MYO1D: variants seen among roughly 807,000 people sequenced by gnomAD.
MYO1D encodes unconventional myosin-Id.
MYO1D carries 83 observed loss-of-function variants against 122.0 expected under a neutral mutation model. The ratio of observed to expected loss-of-function variants is 0.68; its 90% confidence interval spans 0.57 to 0.82. The LOEUF (loss-of-function observed/expected upper bound fraction) is 0.82. MYO1D is among the 40% of genes least tolerant of loss of function. The pLI, the probability that MYO1D is intolerant of heterozygous loss-of-function variation, is 0.00. For missense variants in MYO1D, 1,157 were observed against 1,269.5 expected, an observed-to-expected ratio of 0.91 and a Z score of 1.35; for synonymous variants, 464 against 446.9, an observed-to-expected ratio of 1.04 and a Z score of -0.48.
chr17:32,653,404 C>T (rs988576105), intron 19 of MYO1D, among the ~76,000 whole-genome samples: 7 of 151,216 alleles, frequency 4.6e-5, no homozygotes, highest in Middle Eastern at 3.4e-3. Flanking sequence ...ATCAGGAGTT[C>T]GAGACCAGCC....
chr17:32,508,758 G>C (rs1909585671), intron 21 of MYO1D, among the ~76,000 whole-genome samples: 1 of 152,222 alleles, frequency 6.6e-6, no homozygotes, highest in Admixed American at 6.5e-5. Flanking sequence ...TGCCCGAAGT[G>C]ATAGAGTAGA....
At chr17:32,824,041 T>C (rs1481777323) in intron 1 of MYO1D, among the ~76,000 whole-genome samples, 4 of 122,794 alleles carry the variant, frequency 3.3e-5, no homozygotes, top group Non-Finnish European at 6.3e-5. Flanking sequence ...CATTCCAGCC[T>C]GGGCGATAGA....
intron 1 of MYO1D, among the ~76,000 whole-genome samples, chr17:32,799,229 A>C (rs1301124228): frequency 6.6e-6 from 1 of 152,246 alleles, no homozygotes; most frequent in Non-Finnish European, 1.5e-5. Context: ...TGGAAAAAAC[A>C]AATAATTTTC....
intron 21 of MYO1D, among the ~76,000 whole-genome samples, chr17:32,554,743 T>A (rs1050500592): frequency 4.6e-5 from 7 of 151,884 alleles, no homozygotes; most frequent in Admixed American, 1.3e-4. Context: ...AGAAAAAAAA[T>A]CAGCAAAGGA....
chr17:32,656,675 A>G (rs115473479), intron 17 of MYO1D, among the ~76,000 whole-genome samples: 2,260 of 152,334 alleles, frequency 0.015, 46 homozygotes, highest in African/African-American at 0.049. Context: ...TGGACAACCA[A>G]CACTCCAACA....
intron 15 of MYO1D, among the ~76,000 whole-genome samples, chr17:32,715,178 T>C (rs1293648003): frequency 6.6e-6 from 1 of 152,114 alleles, no homozygotes. Context: ...GCTGGCAAGG[T>C]TGCAGAGAAA....
At chr17:32,827,106 T>G (rs1043322191) in intron 1 of MYO1D, among the ~76,000 whole-genome samples, 3 of 151,310 alleles carry the variant, frequency 2.0e-5, no homozygotes, top group African/African-American at 7.4e-5. Flanking sequence ...ATGGCAGCAT[T>G]ATTCATAATA....
intron 1 of MYO1D, among the ~76,000 whole-genome samples, chr17:32,827,428 T>C (rs1216282048): frequency 6.6e-6 from 1 of 152,128 alleles, no homozygotes; most frequent in African/African-American, 2.4e-5. Context: ...TATGGTCCAA[T>C]GGGTAGAGTT....
At chr17:32,793,947 CGTATTT>C (rs2090386478) in intron 1 of MYO1D, among the ~76,000 whole-genome samples, 1 of 152,142 alleles carries the variant, frequency 6.6e-6, no homozygotes, top group Non-Finnish European at 1.5e-5. Context: ...AATACCAAGT[CGTATTT>C]TTATTATGAG....
chr17:32,533,539 C>T (rs535820302), intron 21 of MYO1D, among the ~76,000 whole-genome samples: 3 of 152,308 alleles, frequency 2.0e-5, no homozygotes, highest in East Asian at 1.9e-4. Context: ...CTAAAGCACA[C>T]GTCTCTAAGC....
chr17:32,632,122 G>A (rs941522133), intron 20 of MYO1D, among the ~76,000 whole-genome samples: 3 of 152,190 alleles, frequency 2.0e-5, no homozygotes, highest in African/African-American at 7.2e-5. Flanking sequence ...GAAATGGTTA[G>A]TGTCTATCTC....
chr17:32,618,748 C>T (rs1484392469), intron 20 of MYO1D, among the ~76,000 whole-genome samples: 1 of 151,814 alleles, frequency 6.6e-6, no homozygotes, highest in Non-Finnish European at 1.5e-5. Flanking sequence ...GATTCTCCTG[C>T]CTCAGCCTCC....
chr17:32,573,465 C>T (rs968790226), intron 21 of MYO1D, among the ~76,000 whole-genome samples: 3 of 151,938 alleles, frequency 2.0e-5, no homozygotes, highest in African/African-American at 7.3e-5. Context: ...TGGAATATAT[C>T]CTCAGGAAAC....
chr17:32,857,808 T>G (rs1195953476), intron 1 of MYO1D, among the ~76,000 whole-genome samples: 1 of 152,160 alleles, frequency 6.6e-6, no homozygotes, highest in Non-Finnish European at 1.5e-5. Context: ...TCCTCAGAAA[T>G]TTTCTCCACA....
At chr17:32,644,844 G>C (rs2150944100) in intron 19 of MYO1D, among the ~76,000 whole-genome samples, 1 of 152,282 alleles carries the variant, frequency 6.6e-6, no homozygotes, top group Middle Eastern at 3.4e-3. Flanking sequence ...ACAGTACCCT[G>C]ATGGGTCTTG....
chr17:32,842,650 G>A lies in MYO1D; in HGVS notation c.95+34128C>T, dbSNP rs117983727. On this transcript the variant is annotated intron_variant, in intron 1 of 21. Coordinates refer to ENST00000318217, the MANE Select transcript of MYO1D (RefSeq NM_015194.3). ...CATTTCCAAGATGTTGCTGGCACTC[G>A]AACTTTCACTCAAGGTGTCTTACAT... is the stretch of plus-strand genomic sequence containing the variant. Among the ~76,000 whole-genome samples the A allele has an allele frequency of 5.4e-3, 815 of 152,038 alleles. 8 individuals carry two copies. Among genetic ancestry groups the A allele is most frequent in the Non-Finnish European group, 8.3e-3 (566 of 67,996 alleles).
intron 21 of MYO1D, among the ~76,000 whole-genome samples, chr17:32,552,448 C>G (rs868185600): frequency 7.5e-6 from 1 of 132,876 alleles, no homozygotes; most frequent in Non-Finnish European, 1.7e-5. Context: ...ATCCATCCAT[C>G]CATCCATCCA....
intron 21 of MYO1D, among the ~76,000 whole-genome samples, chr17:32,601,988 T>C (rs760870965): frequency 2.6e-5 from 4 of 152,206 alleles, no homozygotes; most frequent in Non-Finnish European, 5.9e-5. Flanking sequence ...TCAAGATTCA[T>C]GTGAAAGGAA....
At chr17:32,743,098 T>G (rs1254047886) in intron 13 of MYO1D, among the ~76,000 whole-genome samples, 1 of 152,210 alleles carries the variant, frequency 6.6e-6, no homozygotes, top group Non-Finnish European at 1.5e-5. Context: ...GTTTACTTCC[T>G]TCCTCACTGG....
Sources: allele counts gnomAD v4.1 joint callset (sites outside exome capture counted in the v4.1 genomes callset), GRCh38; gene constraint gnomAD v4.1.1; transcripts MANE v1.5; gene names NCBI Gene and HGNC (gene_info 2026-07-23, HGNC 2026-07-21).